EXOC4: variants seen among roughly 807,000 people sequenced by gnomAD.
The protein encoded by EXOC4 is SEC8-like 1.
In EXOC4, 71 loss-of-function variants were observed where a neutral mutation model predicts 107.2. The observed-to-expected ratio is 0.66, with a 90% confidence interval of 0.55 to 0.81. The LOEUF (loss-of-function observed/expected upper bound fraction) is 0.81, where lower values mean the gene tolerates loss of function less well. Among genes scored for constraint, EXOC4 ranks in the 30% least tolerant of loss-of-function variants. The pLI is 0.00. For missense variants in EXOC4, 1,108 were observed against 1,189.6 expected (o/e 0.93, Z 1.01); for synonymous variants, 456 against 441.2 (o/e 1.03, Z -0.42).
chr7:133,374,779 A>G (rs1796450412), intron 6 of EXOC4, 49 bp from the exon 7 acceptor site: 1 of 1,495,970 alleles, frequency 6.7e-7, no homozygotes. Context: ...TAAGCCATTT[A>G]TCTGCGTGTA....
intron 11 of EXOC4, among the ~76,000 whole-genome samples, chr7:133,820,749 G>A (rs1056086226): frequency 4.6e-5 from 7 of 152,178 alleles, no homozygotes; most frequent in Non-Finnish European, 5.9e-5. Flanking sequence ...CAGCCCAGCC[G>A]GATTCTCCAG....
intron 10 of EXOC4, among the ~76,000 whole-genome samples, chr7:133,802,006 A>T (rs1796955869): frequency 6.6e-6 from 1 of 152,254 alleles, no homozygotes; most frequent in Non-Finnish European, 1.5e-5. Flanking sequence ...GTTATAAAAA[A>T]TAAGCCTTTC....
At chr7:134,091,120 G>A in the EXOC4 span, among the ~76,000 whole-genome samples, 1 of 152,064 alleles carries the variant, frequency 6.6e-6, no homozygotes, top group Non-Finnish European at 1.5e-5. Flanking sequence ...CCAAGAGAAG[G>A]TTCTTGGATC....
intron 11 of EXOC4, among the ~76,000 whole-genome samples, chr7:133,855,079 C>CTAAATATATATAAATATATA (rs1297598608): frequency 9.1e-5 from 4 of 43,736 alleles, no homozygotes; most frequent in African/African-American, 6.0e-4. Flanking sequence ...CTAAATATAT[C>CTAAATATATATAAATATATA]TAAATATATA....
Position 133,403,076 on chromosome 7 carries a change from G to A in EXOC4, c.1182+28074G>A, listed in dbSNP as rs191712118. Among the ~76,000 whole-genome samples the A allele has an allele frequency of 2.0e-5, 3 of 150,480 alleles. No homozygotes were observed. The East Asian group carries it at 6.0e-4, about 30-fold the overall frequency. ...ATTTTTTTATTTGTACTAGAGACGG[G>A]GTTTCACCATATTGGCTAGGATGGT... On this transcript the variant is annotated intron_variant, in intron 7 of 17. Transcript: ENST00000253861.
At chr7:133,656,646 C>T (rs1324999134) in intron 10 of EXOC4, among the ~76,000 whole-genome samples, 2 of 151,766 alleles carry the variant, frequency 1.3e-5, no homozygotes, top group African/African-American at 4.9e-5. Context: ...ACACAAGTGC[C>T]TACCTATTTT....
At chr7:133,844,147 G>A (rs1798074907) in intron 11 of EXOC4, among the ~76,000 whole-genome samples, 1 of 152,028 alleles carries the variant, frequency 6.6e-6, no homozygotes, top group South Asian at 2.1e-4. Flanking sequence ...TCTCTGCCAG[G>A]TTTTGGTATC....
At chr7:134,095,714 A>G in the EXOC4 span, among the ~76,000 whole-genome samples, 1 of 152,196 alleles carries the variant, frequency 6.6e-6, no homozygotes, top group Middle Eastern at 3.2e-3. Flanking sequence ...AAAATAAGCA[A>G]TGGGGAAAAG....
chr7:133,253,350 TCCCCCTCCACCTTTTTTTTCTGGGGTTA>T, intron 1 of EXOC4, 163 bp downstream of exon 1: 1 of 1,395,876 alleles, frequency 7.2e-7, no homozygotes, highest in African/African-American at 1.5e-5. Context: ...CCCCAGCAAT[TCCCCCTCCACCTTTTTTTTCTGGGGTTA>T]GCTATAGAGA....
intron 9 of EXOC4, among the ~76,000 whole-genome samples, chr7:133,608,994 G>A (rs537660389): frequency 1.3e-5 from 2 of 152,030 alleles, no homozygotes; most frequent in Admixed American, 6.6e-5. Flanking sequence ...TACCATATTG[G>A]GTTCATCTAT....
chr7:133,431,328 A>T (rs1411522387), intron 7 of EXOC4, among the ~76,000 whole-genome samples: 1 of 152,226 alleles, frequency 6.6e-6, no homozygotes, highest in Non-Finnish European at 1.5e-5. Context: ...TAGCATTCAT[A>T]ACAAGAAAAA....
intron 11 of EXOC4, among the ~76,000 whole-genome samples, chr7:133,886,484 T>C (rs1247556945): frequency 3.9e-5 from 6 of 152,160 alleles, no homozygotes; most frequent in Non-Finnish European, 8.8e-5. Flanking sequence ...TGTAATAAAC[T>C]TTAGGTATTT....
At chr7:133,503,671 G>C in intron 9 of EXOC4, among the ~76,000 whole-genome samples, 1 of 152,098 alleles carries the variant, frequency 6.6e-6, no homozygotes, top group East Asian at 1.9e-4. Context: ...ATGCTTTTCG[G>C]CATCCAATAA....
chr7:133,918,740 TA>T (rs11323422), intron 13 of EXOC4, among the ~76,000 whole-genome samples: 94,818 of 152,074 alleles, frequency 0.62, 32,162 homozygotes, highest in African/African-American at 0.91. Context: ...CTCTGTCACT[TA>T]TAGAGCTGTG....
chr7:133,254,348 C>T (rs1453660289), intron 1 of EXOC4, among the ~76,000 whole-genome samples: 2 of 152,152 alleles, frequency 1.3e-5, no homozygotes, highest in East Asian at 3.9e-4. Context: ...CTTGGTAGGC[C>T]ATACAGAGGA....
intron 3 of EXOC4, 110 bp from the exon 4 acceptor site, chr7:133,305,767 G>A: frequency 1.2e-6 from 1 of 831,118 alleles, no homozygotes; most frequent in East Asian, 2.9e-5. Flanking sequence ...TGCTGATAAA[G>A]TTCTCGTAAG....
the EXOC4 span, among the ~76,000 whole-genome samples, chr7:134,099,613 T>C: frequency 7.0e-6 from 1 of 143,550 alleles, no homozygotes; most frequent in Non-Finnish European, 1.5e-5. Flanking sequence ...CACTGCAGGC[T>C]CCGCCCCCCG....
chr7:133,306,554 G>T (rs1213701254), intron 4 of EXOC4, among the ~76,000 whole-genome samples: 1 of 152,038 alleles, frequency 6.6e-6, no homozygotes, highest in Non-Finnish European at 1.5e-5. Flanking sequence ...GCCAAAATTA[G>T]CTGGGTATAG....
chr7:133,547,934 A>G (rs757346032), intron 9 of EXOC4, among the ~76,000 whole-genome samples: 2 of 152,066 alleles, frequency 1.3e-5, no homozygotes, highest in African/African-American at 2.4e-5. Context: ...GGCATCTAGC[A>G]TGGTGAATCC....
Sources: gnomAD v4.1 joint callset for allele counts (sites outside exome capture counted in the v4.1 genomes callset) on GRCh38, gnomAD v4.1.1 for gene constraint, MANE v1.5 for transcripts, NCBI Gene and HGNC (gene_info 2026-07-23, HGNC 2026-07-21) for gene names.